PTPRR: variants seen among roughly 807,000 people sequenced by gnomAD.
The protein encoded by PTPRR is protein tyrosine phosphatase receptor type R, also known as receptor-type tyrosine-protein phosphatase R.
Under a neutral mutation model 77.2 loss-of-function variants are expected in PTPRR, and 38 were observed. The ratio of observed to expected loss-of-function variants is 0.49; its 90% CI spans 0.38 to 0.65. The LOEUF (loss-of-function observed/expected upper bound fraction) is 0.65. Ranked by LOEUF, PTPRR falls within the 30% of genes least tolerant of loss-of-function variation. The pLI is 0.00. For missense variants in PTPRR, 744 were observed against 799.2 expected (o/e 0.93, Z 0.83); for synonymous variants, 299 against 283.1 (o/e 1.06, Z -0.57).
chr12:70,815,087 T>G (rs1221949409), intron 2 of PTPRR, among the ~76,000 whole-genome samples: 2 of 142,210 alleles, frequency 1.4e-5, no homozygotes, highest in Non-Finnish European at 3.0e-5. Context: ...TCCATACACT[T>G]AATAAGTAGA....
chr12:70,897,080 G>C lies in PTPRR; in HGVS notation c.59-4103C>G, dbSNP rs184560440. ...AGCTTTGTTCGTTTGGCTTAGGATTGACTTGGCAATGTGGGAGGACTTCAT... is the reference window on the plus strand; with the variant it reads ...AGCTTTGTTCGTTTGGCTTAGGATTCACTTGGCAATGTGGGAGGACTTCAT... On this transcript the variant is annotated intron_variant, in intron 1 of 13. Coordinates refer to ENST00000283228, the MANE Select transcript of PTPRR (RefSeq NM_002849.4). 1.8e-3 allele frequency among the ~76,000 whole-genome samples: 274 copies of C among 151,722 alleles called. 1 individual carries two copies. Among genetic ancestry groups the C allele is most frequent in the African/African-American group, 6.4e-3 (265 of 41,452 alleles).
At chr12:70,736,373 A>T (rs756646045) in intron 6 of PTPRR, among the ~76,000 whole-genome samples, 1 of 152,136 alleles carries the variant, frequency 6.6e-6, no homozygotes. Context: ...TGCTAAATAT[A>T]CTGATTTGTA....
chr12:70,689,870 T>C (rs1052187895), intron 8 of PTPRR, among the ~76,000 whole-genome samples: 1 of 152,226 alleles, frequency 6.6e-6, no homozygotes, highest in Non-Finnish European at 1.5e-5. Context: ...TGTCTTTCTT[T>C]AGCAATAAGA....
At chr12:70,821,813 C>T (rs534846984) in intron 2 of PTPRR, among the ~76,000 whole-genome samples, 1 of 152,010 alleles carries the variant, frequency 6.6e-6, no homozygotes, top group East Asian at 2.0e-4. Flanking sequence ...TACAGGCGCC[C>T]GCCACCACGC....
intron 2 of PTPRR, among the ~76,000 whole-genome samples, chr12:70,890,670 A>T (rs946873544): frequency 6.6e-6 from 1 of 152,170 alleles, no homozygotes; most frequent in Non-Finnish European, 1.5e-5. Context: ...CTATTTGAGT[A>T]TAAATTAAGT....
chr12:70,835,253 A>G (rs1892280852), intron 2 of PTPRR, among the ~76,000 whole-genome samples: 1 of 152,142 alleles, frequency 6.6e-6, no homozygotes. Flanking sequence ...TATACTTAAA[A>G]TTGCTATTTG....
intron 2 of PTPRR, among the ~76,000 whole-genome samples, chr12:70,838,954 C>T (rs1892349844): frequency 6.6e-6 from 1 of 152,154 alleles, no homozygotes; most frequent in Admixed American, 6.6e-5. Context: ...GTAGATTACA[C>T]TTCCCTGAGT....
At chr12:70,709,091 C>G (rs531809549) in intron 6 of PTPRR, among the ~76,000 whole-genome samples, 1 of 151,954 alleles carries the variant, frequency 6.6e-6, no homozygotes, top group East Asian at 1.9e-4. Flanking sequence ...TACTGGCAAA[C>G]GAAATCCAGC....
intron 2 of PTPRR, among the ~76,000 whole-genome samples, chr12:70,828,214 AAC>A (rs1892150116): frequency 6.6e-6 from 1 of 152,186 alleles, no homozygotes; most frequent in Non-Finnish European, 1.5e-5. Flanking sequence ...TTAGTAGTTA[AAC>A]ACAGTGTTAA....
At chr12:70,722,925 C>T (rs1035516415) in intron 6 of PTPRR, among the ~76,000 whole-genome samples, 2 of 152,184 alleles carry the variant, frequency 1.3e-5, no homozygotes, top group South Asian at 2.1e-4. Context: ...GCCTTCCACC[C>T]AAGTCCCTGA....
In PTPRR at chr12:70,775,944, T is replaced by C. The variant is rs919374705; in HGVS notation, c.358-11166A>G. On this transcript the variant is annotated intron_variant, in intron 2 of 13. Transcript: ENST00000283228. Reference sequence around the variant, plus strand: ...AGAGACATTTTATGCTTTCACCCCTTCCCTTCTCACAATTCTCTGCACTTG... The same window carrying C: ...AGAGACATTTTATGCTTTCACCCCTCCCCTTCTCACAATTCTCTGCACTTG... Among the ~76,000 whole-genome samples, 4 of 152,072 alleles carry C rather than the reference T, an allele frequency of 2.6e-5. 1 individual carries two copies. Among genetic ancestry groups the C allele is most frequent in the Admixed American group, 2.6e-4 (4 of 15,258 alleles).
chr12:70,849,341 G>C (rs1388742142), intron 2 of PTPRR, among the ~76,000 whole-genome samples: 2 of 152,180 alleles, frequency 1.3e-5, no homozygotes, highest in African/African-American at 4.8e-5. Context: ...TTAAGAATAG[G>C]CCAGATAGCC....
chr12:70,813,230 C>T (rs1316863015), intron 2 of PTPRR, among the ~76,000 whole-genome samples: 2 of 152,162 alleles, frequency 1.3e-5, no homozygotes, highest in South Asian at 4.1e-4. Flanking sequence ...TAATTTTCTT[C>T]AAAATGTTGA....
At chr12:70,838,454 A>T (rs1892341319) in intron 2 of PTPRR, among the ~76,000 whole-genome samples, 1 of 152,176 alleles carries the variant, frequency 6.6e-6, no homozygotes, top group Non-Finnish European at 1.5e-5. Flanking sequence ...ACAAAGGAGA[A>T]AGCTCTTGTC....
intron 2 of PTPRR, among the ~76,000 whole-genome samples, chr12:70,772,136 G>A (rs757786453): frequency 6.6e-6 from 1 of 152,106 alleles, no homozygotes. Flanking sequence ...TTAATCATTT[G>A]AGAGATACTC....
At chr12:70,843,447 A>G (rs1222756291) in intron 2 of PTPRR, among the ~76,000 whole-genome samples, 1 of 152,210 alleles carries the variant, frequency 6.6e-6, no homozygotes, top group Non-Finnish European at 1.5e-5. Context: ...CTTAAATTAC[A>G]ATATTAATAT....
In PTPRR at chr12:70,858,444, A is replaced by G. The variant is rs372577283; in HGVS notation, c.357+34235T>C. On this transcript the variant is annotated intron_variant, in intron 2 of 13. Transcript: ENST00000283228. ...GATCTACCTAAGTCAGGGATCACTT[A>G]GCACATCCCATTGTAGCAGTGGAAT... Among the ~76,000 whole-genome samples, 6 of 152,218 alleles carry G rather than the reference A, an allele frequency of 3.9e-5. No individual in the cohort carries two copies. The East Asian group carries it at 7.7e-4, about 20-fold the overall frequency.
chr12:70,910,599 C>A (rs1446322806), intron 1 of PTPRR, among the ~76,000 whole-genome samples: 1 of 152,112 alleles, frequency 6.6e-6, no homozygotes, highest in Non-Finnish European at 1.5e-5. Flanking sequence ...TCAGTTAATG[C>A]TCAGATTTAG....
intron 2 of PTPRR, among the ~76,000 whole-genome samples, chr12:70,780,358 T>G (rs564091373): frequency 6.6e-6 from 1 of 152,216 alleles, no homozygotes; most frequent in Non-Finnish European, 1.5e-5. Context: ...TAAATTCAAA[T>G]GTATCCAGTG....
Sources: allele counts gnomAD v4.1 joint callset (sites outside exome capture counted in the v4.1 genomes callset), GRCh38; gene constraint gnomAD v4.1.1; transcripts MANE v1.5; gene names NCBI Gene and HGNC (gene_info 2026-07-23, HGNC 2026-07-21).